CNNM3: variants seen among roughly 807,000 people sequenced by gnomAD.
CNNM3 encodes metal transporter CNNM3.
Under a neutral mutation model 57.1 loss-of-function variants are expected in CNNM3, and 47 were observed. That is an observed-to-expected ratio of 0.82 (90% CI 0.65 to 1.05). The LOEUF (loss-of-function observed/expected upper bound fraction) is 1.05, where lower values mean the gene tolerates loss of function less well. CNNM3 is among the 50% of genes least tolerant of loss of function. The probability of loss-of-function intolerance (pLI) is 0.00; values close to 1 mark genes in which losing one functional copy is unlikely to be tolerated. For missense variants in CNNM3, 957 were observed against 973.7 expected (o/e 0.98, Z 0.23); for synonymous variants, 507 against 478.2 (o/e 1.06, Z -0.79).
chr2:96,827,137 G>C lies in CNNM3; in HGVS notation c.1519+155G>C, dbSNP rs542090884. 5.9e-5 allele frequency among the ~76,000 whole-genome samples: 9 copies of C among 152,262 alleles called. No homozygotes were observed. The South Asian group carries it at 1.7e-3, about 28-fold the overall frequency. ...CTCTGCAGCCCTGCCAGCATCTTGG[G>C]TCATGGGAGAGACACCTCCTCTCTG... On this transcript the variant is annotated intron_variant, in intron 3 of 7. Transcript: ENST00000305510.
In CNNM3 at chr2:96,834,541, G is replaced by T. The variant is rs943828526; in HGVS notation, c.*1925G>T. 4.6e-5 allele frequency among the ~76,000 whole-genome samples: 7 copies of T among 151,000 alleles called. No homozygotes were observed. The highest frequency in any genetic ancestry group is 1.7e-4 in the African/African-American group (7 of 40,698). The stretch of plus-strand genomic sequence containing the variant: ...TTTAATTTTTTTTTGTAGAGATAGG[G>T]TCTCATTATGTTGCCTGGGGTAGTC... On this transcript the variant is annotated 3_prime_UTR_variant, in exon 8 of 8. Transcript: ENST00000305510.
At chr2:96,828,789 A>T in intron 6 of CNNM3, 89 bp downstream of exon 6, 1 of 1,560,970 alleles carries the variant, frequency 6.4e-7, no homozygotes, top group Non-Finnish European at 8.8e-7. Context: ...TGCCCGGAAC[A>T]AGGCCTTCCA....
chr2:96,822,618 T>G (rs75647588), intron 1 of CNNM3, among the ~76,000 whole-genome samples: 1,811 of 152,310 alleles, frequency 0.012, 29 homozygotes, highest in African/African-American at 0.04. Flanking sequence ...CCGCAGTCTC[T>G]GCTTTAAAGG....
At chr2:96,828,802 C>A in intron 6 of CNNM3, 102 bp downstream of exon 6, 1 of 1,522,330 alleles carries the variant, frequency 6.6e-7, no homozygotes, top group Non-Finnish European at 9.0e-7. Flanking sequence ...GCCTTCCACT[C>A]ATCCTGAGGG....
At position 96,832,756 on chromosome 2, in the gene CNNM3, G is replaced by A; in HGVS notation, c.*140G>A. The stretch of plus-strand genomic sequence containing the variant: ...ATGGCCCTTGTAGTTGCGGGTCCTG[G>A]GTGTCCTCAGAACTAGACATCAATG... On this transcript the variant is annotated 3_prime_UTR_variant, in exon 8 of 8. Coordinates refer to ENST00000305510, the MANE Select transcript of CNNM3 (RefSeq NM_017623.5). The A allele has an allele frequency of 1.3e-6, 2 of 1,524,024 alleles. No homozygotes were observed. Among genetic ancestry groups the A allele is most frequent in the Non-Finnish European group, 1.8e-6 (2 of 1,139,816 alleles). 94.4% of individuals were successfully genotyped at this position (1,524,024 alleles called of 1,614,324 possible).
At chr2:96,818,609 C>T (rs992920096) in intron 1 of CNNM3, among the ~76,000 whole-genome samples, 42 of 152,254 alleles carry the variant, frequency 2.8e-4, no homozygotes, top group African/African-American at 8.4e-4. Flanking sequence ...ACATTTTCAT[C>T]CCTCCCTTCA....
chr2:96,832,404 G>A (rs1434764633), intron 7 of CNNM3, 148 bp from the exon 8 acceptor site: 16 of 1,508,864 alleles, frequency 1.1e-5, no homozygotes, highest in Non-Finnish European at 1.4e-5. Flanking sequence ...CTAACCAGTC[G>A]CTCCTGTTTC....
intron 1 of CNNM3, among the ~76,000 whole-genome samples, chr2:96,821,851 C>G (rs2079411462): frequency 6.6e-6 from 1 of 152,040 alleles, no homozygotes; most frequent in Non-Finnish European, 1.5e-5. Flanking sequence ...GACTGCTGTA[C>G]TGAAAGTGAA....
Position 96,832,791 on chromosome 2 carries a change from T to A in CNNM3, c.*175T>A. On this transcript the variant is annotated 3_prime_UTR_variant, in exon 8 of 8. Coordinates refer to ENST00000305510, the MANE Select transcript of CNNM3 (RefSeq NM_017623.5). ...GAACTAGACATCAATGCCTGGATCC[T>A]TCAGCCGGCCCTGCCCTCCTTTAGG... 1 of 1,498,918 alleles carries A rather than the reference T, an allele frequency of 6.7e-7. No homozygotes were observed. The highest frequency in any genetic ancestry group is 8.9e-7 in the Non-Finnish European group (1 of 1,125,642). 92.9% of individuals were successfully genotyped at this position (1,498,918 alleles called of 1,614,324 possible).
At chr2:96,817,620 C>T (rs1027431592) in intron 1 of CNNM3, 118 bp downstream of exon 1, 54 of 947,484 alleles carry the variant, frequency 5.7e-5, no homozygotes, top group Non-Finnish European at 7.4e-5. Context: ...GCAGTGAGAC[C>T]TCTAAGGTCC....
chr2:96,818,217 T>G (rs1479016393), intron 1 of CNNM3, among the ~76,000 whole-genome samples: 1 of 152,140 alleles, frequency 6.6e-6, no homozygotes, highest in Non-Finnish European at 1.5e-5. Context: ...TTCGAGTAGC[T>G]GGGACTACAG....
chr2:96,827,907 G>C lies in CNNM3; in HGVS notation c.1689+7G>C, dbSNP rs2079537089. On this transcript the variant is annotated splice_region_variant and intron_variant, in intron 4 of 7. Coordinates refer to ENST00000305510, the MANE Select transcript of CNNM3 (RefSeq NM_017623.5). ...CTTCATTCTCATCCTGCAGGTAGCTGTGGGTCCCAGGCCTGGAGTCCCTCC... is the reference window on the plus strand; with the variant it reads ...CTTCATTCTCATCCTGCAGGTAGCTCTGGGTCCCAGGCCTGGAGTCCCTCC... 6.2e-7 allele frequency: 1 copy of C among 1,609,304 alleles called. No individual in the cohort carries two copies. Among genetic ancestry groups the C allele is most frequent in the Non-Finnish European group, 8.5e-7 (1 of 1,176,486 alleles).
rs560466422 is a variant in CNNM3, at chr2:96,832,370, A to G, written c.2060-182A>G. The G allele has an allele frequency of 4.1e-6, 6 of 1,474,946 alleles. No homozygotes were observed. The African/African-American group carries it at 7.0e-5, about 17-fold the overall frequency. 91.4% of individuals were successfully genotyped at this position (1,474,946 alleles called of 1,614,324 possible). On this transcript the variant is annotated intron_variant, in intron 7 of 7. Coordinates refer to ENST00000305510, the MANE Select transcript of CNNM3 (RefSeq NM_017623.5). ...CCCCAGCTTCCCCGTCTCCCAGGGA[A>G]GGCATCTGTTGGCTGACCATCTGCT...
At chr2:96,820,563 G>C (rs1240947716) in intron 1 of CNNM3, among the ~76,000 whole-genome samples, 1 of 152,188 alleles carries the variant, frequency 6.6e-6, no homozygotes, top group Admixed American at 6.5e-5. Flanking sequence ...CAAGGAAGGA[G>C]GAGTTCCCGA....
At chr2:96,825,761 C>T (rs1408342375) in intron 2 of CNNM3, among the ~76,000 whole-genome samples, 4 of 152,144 alleles carry the variant, frequency 2.6e-5, no homozygotes, top group East Asian at 3.9e-4. Context: ...ATTAGCTGGG[C>T]GTGGTGGTGC....
chr2:96,825,407 C>T (rs181064093), intron 2 of CNNM3, among the ~76,000 whole-genome samples: 186 of 152,324 alleles, frequency 1.2e-3, no homozygotes, highest in Non-Finnish European at 2.0e-3. Context: ...GCATGGTTGC[C>T]TGTGCCAGCG....
Position 96,834,582 on chromosome 2 carries a change from C to CT in CNNM3, c.*1966_*1967insT, listed in dbSNP as rs1034377986. Among the ~76,000 whole-genome samples the CT allele has an allele frequency of 2.9e-4, 44 of 152,000 alleles. No homozygotes were observed. The highest frequency in any genetic ancestry group is 9.6e-4 in the African/African-American group (40 of 41,486). ...TGGGGTAGTCTCGAACTCCTAGGCT[C>CT]AAGCGATCCTCCTGCCTCGGCCTCC... is the stretch of plus-strand genomic sequence containing the variant. On this transcript the variant is annotated 3_prime_UTR_variant, in exon 8 of 8. Coordinates refer to ENST00000305510, the MANE Select transcript of CNNM3 (RefSeq NM_017623.5).
In CNNM3 at chr2:96,817,435, C is replaced by G; in HGVS notation, c.1158C>G (p.Tyr386Ter). Reference sequence around the variant, plus strand: ...CGCTCAGCACCATCACTCGTTTCTACAACCATCCGCTCCACTTCGTCTTCA... The same window carrying G: ...CGCTCAGCACCATCACTCGTTTCTAGAACCATCCGCTCCACTTCGTCTTCA... Reference protein sequence around the residue: ...CTPLSTITRFYNHPLHFVFND... With the variant: ...CTPLSTITRF Residue 386 changes from tyrosine to a stop codon, truncating the protein, a stop_gained, in exon 1 of 8, where the codon TAC becomes TAG. Transcript: ENST00000305510. LOFTEE classifies it high-confidence loss of function. 6.2e-7 allele frequency: 1 copy of G among 1,614,134 alleles called. No homozygotes were observed. Among genetic ancestry groups the G allele is most frequent in the Non-Finnish European group, 8.5e-7 (1 of 1,180,012 alleles).
At chr2:96,820,135 G>A (rs1157279641) in intron 1 of CNNM3, among the ~76,000 whole-genome samples, 1 of 152,192 alleles carries the variant, frequency 6.6e-6, no homozygotes, top group Non-Finnish European at 1.5e-5. Context: ...AGGGAGACCA[G>A]CGGTGTGAGG....
Sources: allele counts gnomAD v4.1 joint callset (sites outside exome capture counted in the v4.1 genomes callset), GRCh38; gene constraint gnomAD v4.1.1; transcripts MANE v1.5; gene names NCBI Gene and HGNC (gene_info 2026-07-23, HGNC 2026-07-21).